PCDHA9: variants seen among roughly 807,000 people sequenced by gnomAD.
The protein encoded by PCDHA9 is protocadherin alpha 9, also known as protocadherin alpha-9.
Under a neutral mutation model 62.0 loss-of-function variants are expected in PCDHA9, and 62 were observed. The observed-to-expected ratio is 1.00, with a 90% CI of 0.81 to 1.23. The LOEUF is 1.23. PCDHA9 is among the 50% of genes most tolerant of loss of function. The probability of loss-of-function intolerance (pLI) is 0.00; values close to 1 mark genes in which losing one functional copy is unlikely to be tolerated. For missense variants in PCDHA9, 1,205 were observed against 1,249.8 expected (o/e 0.96, Z 0.54); for synonymous variants, 557 against 567.6 (o/e 0.98, Z 0.27).
intron 1 of PCDHA9, chr5:140,884,317 G>A (rs1401667312): frequency 3.1e-6 from 5 of 1,613,662 alleles, no homozygotes; most frequent in African/African-American, 2.7e-5. Flanking sequence ...CGAGGGCGTC[G>A]GCAGGCGCTG....
chr5:140,883,966 G>A, intron 1 of PCDHA9: 1 of 1,613,094 alleles, frequency 6.2e-7, no homozygotes. Flanking sequence ...CGGCGCTGCT[G>A]ACGCCCGGGG....
rs2150474836 is a variant in PCDHA9 at position 140,850,234 on chromosome 5, T to C, written c.1739T>C (p.Met580Thr). ...MRGTDGAVSE[M>T]VLRSVGAGVV... ...GGCACTGACGGCGCAGTGAGCGAGA[T>C]GGTGCTGCGGTCGGTGGGCGCCGGC... The change falls in exon 1 of 4, where the codon ATG (methionine) becomes ACG (threonine). Residue 580 changes from methionine (M) to threonine (T), a missense_variant. Physicochemically the swap from Met to Thr is moderately conservative, Grantham distance 81. Transcript: ENST00000532602. The C allele has an allele frequency of 3.1e-6, 5 of 1,593,808 alleles. 1 individual carries two copies. The highest frequency in any genetic ancestry group is 4.3e-6 in the Non-Finnish European group (5 of 1,167,454).
rs1374151299 is a variant in PCDHA9 at position 141,010,790 on chromosome 5, A to G, written c.*853A>G. The G allele has an allele frequency of 2.0e-5, 3 of 153,822 alleles. No homozygotes were observed. Among genetic ancestry groups the G allele is most frequent in the Admixed American group, 6.5e-5 (1 of 15,286 alleles). The allele number at this position is 153,822 out of a possible 1,614,324, so 9.5% of individuals were successfully genotyped here. Reference sequence around the variant, plus strand: ...CTTTTCCAATACTTATGCAAAAGCAAAAGAAAACCCCGACACCTCACCTTT... The same window carrying G: ...CTTTTCCAATACTTATGCAAAAGCAGAAGAAAACCCCGACACCTCACCTTT... On this transcript the variant is annotated 3_prime_UTR_variant, in exon 4 of 4. Coordinates refer to ENST00000532602, the MANE Select transcript of PCDHA9 (RefSeq NM_031857.2).
intron 1 of PCDHA9, chr5:140,929,850 G>T: frequency 6.5e-6 from 1 of 154,348 alleles, no homozygotes. Flanking sequence ...GAGGAGGAAG[G>T]AGTCAGAGAA....
rs1354537383 is a variant in PCDHA9 at position 140,982,283 on chromosome 5, A to G, written c.2454-192A>G. On this transcript the variant is annotated intron_variant, in intron 2 of 3. Coordinates refer to ENST00000532602, the MANE Select transcript of PCDHA9 (RefSeq NM_031857.2). The stretch of plus-strand genomic sequence containing the variant: ...TGTTCCTGGAATAGTATAGCAGGCA[A>G]TAAGTAAGTCAGCAATGCTTCTGCA... 1.7e-5 allele frequency: 18 copies of G among 1,044,438 alleles called. No homozygotes were observed. In the East Asian group the frequency reaches 2.7e-4, roughly 16 times the overall value. 64.7% of individuals were successfully genotyped at this position (1,044,438 alleles called of 1,614,324 possible).
At chr5:140,992,708 C>T (rs2097525816) in intron 3 of PCDHA9, among the ~76,000 whole-genome samples, 1 of 152,100 alleles carries the variant, frequency 6.6e-6, no homozygotes, top group African/African-American at 2.4e-5. Context: ...ATGTTCCTGC[C>T]AGTATTCGTA....
At chr5:140,962,224 A>C (rs2095665980) in intron 1 of PCDHA9, among the ~76,000 whole-genome samples, 1 of 152,152 alleles carries the variant, frequency 6.6e-6, no homozygotes. Flanking sequence ...TTGAGGTTCA[A>C]GTTTCACTTA....
chr5:140,976,550 CATAA>C (rs782672542), intron 1 of PCDHA9, among the ~76,000 whole-genome samples: 4 of 151,944 alleles, frequency 2.6e-5, no homozygotes, highest in South Asian at 2.1e-4. Flanking sequence ...GACCCTATCT[CATAA>C]ATAAATAAAT....
chr5:140,869,506 C>G (rs782699561), intron 1 of PCDHA9: 20 of 1,614,178 alleles, frequency 1.2e-5, no homozygotes, highest in Admixed American at 6.7e-5. Context: ...GGTGTTCTCG[C>G]TCAGAGAACA....
intron 1 of PCDHA9, chr5:140,870,643 G>C (rs782549928): frequency 6.2e-7 from 1 of 1,612,678 alleles, no homozygotes; most frequent in African/African-American, 1.3e-5. Flanking sequence ...CGCGGAGAGC[G>C]GCAAGGTGTA....
chr5:140,850,299 G>C lies in PCDHA9; in HGVS notation c.1804G>C (p.Gly602Arg), dbSNP rs2150478562. ...GGTGCGCGCAGTGGACGCCGACTCG[G>C]GCTACAACGCGTGGCTTTCATACGA... ...GKVRAVDADS[G>R]YNAWLSYELQ... Residue 602 changes from glycine to arginine, a missense_variant, in exon 1 of 4, where the codon GGC becomes CGC. Gly to Arg is a moderately radical substitution (Grantham distance 125, BLOSUM62 -2). Transcript: ENST00000532602. 2 of 1,596,610 alleles carry C rather than the reference G, an allele frequency of 1.3e-6. No individual in the cohort carries two copies. The highest frequency in any genetic ancestry group is 2.2e-5 in the East Asian group (1 of 44,812).
In PCDHA9 at chr5:140,952,684, C is replaced by T. The variant is rs1165956619; in HGVS notation, c.2395-26265C>T. On this transcript the variant is annotated intron_variant, in intron 1 of 3. Coordinates refer to ENST00000532602, the MANE Select transcript of PCDHA9 (RefSeq NM_031857.2). The stretch of plus-strand genomic sequence containing the variant: ...AAAGTCACTTTCACATTTTCAGGAT[C>T]TTTATAGCAATATCCCACTCTCAGT... Among the ~76,000 whole-genome samples the T allele has an allele frequency of 2.0e-5, 3 of 152,308 alleles. No individual in the cohort carries two copies. The East Asian group carries it at 5.8e-4, about 29-fold the overall frequency.
Position 140,849,038 on chromosome 5 carries a change from C to T in PCDHA9, c.543C>T (p.Asp181=). Residue 181 remains aspartate (D), a synonymous_variant, in exon 1 of 4, where the codon GAC becomes GAT. Transcript: ENST00000532602. ...RLSPNEYFFL[D]VPTSNQQVKP... Reference sequence around the variant, plus strand: ...GCCCCAATGAGTATTTCTTCCTGGACGTGCCAACCAGCAACCAGCAGGTAA... The same window carrying T: ...GCCCCAATGAGTATTTCTTCCTGGATGTGCCAACCAGCAACCAGCAGGTAA... 5 of 1,575,008 alleles carry T rather than the reference C, an allele frequency of 3.2e-6. No individual in the cohort carries two copies. The highest frequency in any genetic ancestry group is 4.3e-6 in the Non-Finnish European group (5 of 1,156,576).
At chr5:140,933,490 A>G (rs1554209400) in intron 1 of PCDHA9, among the ~76,000 whole-genome samples, 1 of 152,104 alleles carries the variant, frequency 6.6e-6, no homozygotes, top group African/African-American at 2.4e-5. Flanking sequence ...GTTATTCTTT[A>G]GAATTGTTAA....
chr5:140,918,072 T>C (rs1271495774), intron 1 of PCDHA9, among the ~76,000 whole-genome samples: 1 of 152,142 alleles, frequency 6.6e-6, no homozygotes, highest in Non-Finnish European at 1.5e-5. Flanking sequence ...TTTCTTTCAG[T>C]AGTGTTTTAT....
At chr5:140,981,939 A>G (rs765176340) in intron 2 of PCDHA9, among the ~76,000 whole-genome samples, 1 of 152,180 alleles carries the variant, frequency 6.6e-6, no homozygotes, top group Non-Finnish European at 1.5e-5. Context: ...CTCAGGAAAT[A>G]TAGGGTGGGT....
At chr5:140,862,596 G>A (rs543851067) in intron 1 of PCDHA9, 2 of 510,824 alleles carry the variant, frequency 3.9e-6, no homozygotes, top group East Asian at 1.0e-4. Flanking sequence ...CCGAGTACAT[G>A]GTGTTCGTGA....
chr5:140,953,528 C>T (rs2094898852), intron 1 of PCDHA9, among the ~76,000 whole-genome samples: 1 of 152,112 alleles, frequency 6.6e-6, no homozygotes, highest in Non-Finnish European at 1.5e-5. Context: ...AAACGGGAAA[C>T]TCACTTCATG....
At chr5:140,994,214 G>A (rs2153923643) in intron 3 of PCDHA9, among the ~76,000 whole-genome samples, 1 of 152,296 alleles carries the variant, frequency 6.6e-6, no homozygotes, top group South Asian at 2.1e-4. Flanking sequence ...ATGGGACCCA[G>A]GGTCTGTCTA....
Sources: allele counts gnomAD v4.1 joint callset (sites outside exome capture counted in the v4.1 genomes callset), GRCh38; gene constraint gnomAD v4.1.1; transcripts MANE v1.5; gene names NCBI Gene and HGNC (gene_info 2026-07-23, HGNC 2026-07-21).